The following ANO3 variants were observed in gnomAD, a reference collection of about 807,000 sequenced individuals.
ANO3 encodes anoctamin 3.
ANO3 carries 99 observed loss-of-function variants against 144.8 expected under a neutral mutation model. The observed-to-expected ratio is 0.68, with a 90% CI of 0.58 to 0.81. The LOEUF is 0.81. Ranked by LOEUF, ANO3 falls within the 30% of genes least tolerant of loss-of-function variation. ANO3 has a pLI of 0.00. For synonymous variants in ANO3, 414 were observed against 392.6 expected (o/e 1.05, Z -0.64); for missense variants, 905 against 1,202.2 (o/e 0.75, Z 3.66).
At chr11:26,366,507 G>T (rs1235299631) in intron 1 of ANO3, among the ~76,000 whole-genome samples, 1 of 152,074 alleles carries the variant, frequency 6.6e-6, no homozygotes, top group Non-Finnish European at 1.5e-5. Flanking sequence ...TAATGGGATG[G>T]CTGGGTCAAA....
At chr11:26,222,100 A>G (rs1211914641) in intron 1 of ANO3, among the ~76,000 whole-genome samples, 2 of 152,202 alleles carry the variant, frequency 1.3e-5, no homozygotes, top group East Asian at 3.9e-4. Context: ...TCTGAGACTC[A>G]TTATTTCCAC....
At chr11:26,288,916 C>CT (rs796550174) in intron 1 of ANO3, among the ~76,000 whole-genome samples, 6 of 152,206 alleles carry the variant, frequency 3.9e-5, no homozygotes, top group African/African-American at 1.4e-4. Flanking sequence ...TTTATTACAA[C>CT]TTAGCACAAT....
chr11:26,301,408 T>C (rs1011113686), intron 1 of ANO3, among the ~76,000 whole-genome samples: 1 of 152,208 alleles, frequency 6.6e-6, no homozygotes, highest in Non-Finnish European at 1.5e-5. Context: ...AATTTTAAAA[T>C]AGCAGCATAA....
Position 26,640,913 on chromosome 11 carries a change from T to C in ANO3, c.2142-983T>C, listed in dbSNP as rs1038557192. ...CGCCTCAACTCTCACCTCCAGCCCC[T>C]TTTTCACCTTCATGAGGCTCTGGAG... is the stretch of plus-strand genomic sequence containing the variant. On this transcript the variant is annotated intron_variant, in intron 21 of 26. Transcript: ENST00000256737. Among the ~76,000 whole-genome samples, 7 of 152,126 alleles carry C rather than the reference T, an allele frequency of 4.6e-5. 1 individual carries two copies. Among genetic ancestry groups the C allele is most frequent in the East Asian group, 3.9e-4 (2 of 5,186 alleles).
At chr11:26,329,801 G>A (rs1854989648), upstream of ANO3, among the ~76,000 whole-genome samples, 2 of 147,334 alleles carry the variant, frequency 1.4e-5, 1 homozygote, top group South Asian at 4.3e-4. Context: ...ATGTGGAATA[G>A]AGGGACTTAA....
intron 1 of ANO3, among the ~76,000 whole-genome samples, chr11:26,354,650 GT>G (rs1174833154): frequency 1.3e-5 from 2 of 151,750 alleles, no homozygotes; most frequent in African/African-American, 4.8e-5. Context: ...GTATACTTAT[GT>G]TGCAATTTAT....
chr11:26,488,418 C>CT (rs373543115), intron 4 of ANO3, among the ~76,000 whole-genome samples: 199 of 152,218 alleles, frequency 1.3e-3, no homozygotes, highest in African/African-American at 4.6e-3. Flanking sequence ...GAATTTATTC[C>CT]TTCTGGTGGG....
chr11:26,358,873 C>G lies in ANO3; in HGVS notation c.46+26552C>G, dbSNP rs1048956172. Among the ~76,000 whole-genome samples, 3 of 152,028 alleles carry G rather than the reference C, an allele frequency of 2.0e-5. No homozygotes were observed. In the East Asian group the frequency reaches 5.8e-4, roughly 29 times the overall value. ...TTCCACAATTGTCATTAATCCTATC[C>G]AGTGTATGGTTTTTCTCATAAAATT... is the stretch of plus-strand genomic sequence containing the variant. On this transcript the variant is annotated intron_variant, in intron 1 of 26. Transcript: ENST00000256737.
chr11:26,292,227 A>C (rs759333741), intron 1 of ANO3, among the ~76,000 whole-genome samples: 18 of 152,186 alleles, frequency 1.2e-4, no homozygotes, highest in African/African-American at 1.7e-4. Context: ...TGCATGCATC[A>C]CATAGTTCTC....
intron 1 of ANO3, among the ~76,000 whole-genome samples, chr11:26,240,186 TTC>T (rs1028312383): frequency 6.6e-6 from 1 of 152,218 alleles, no homozygotes; most frequent in African/African-American, 2.4e-5. Flanking sequence ...TTTTCAATAT[TTC>T]TGATAGTACA....
At chr11:26,597,493 C>T (rs990867666) in intron 14 of ANO3, among the ~76,000 whole-genome samples, 3 of 152,100 alleles carry the variant, frequency 2.0e-5, no homozygotes, top group Non-Finnish European at 4.4e-5. Context: ...GACACCCTGC[C>T]GGATCTGGAG....
chr11:26,623,038 G>T (rs558533028), intron 17 of ANO3, among the ~76,000 whole-genome samples: 1 of 152,250 alleles, frequency 6.6e-6, no homozygotes, highest in South Asian at 2.1e-4. Context: ...GTTACAGTAG[G>T]AATCACCTGG....
chr11:26,589,413 C>CTT (rs11423756), intron 14 of ANO3, among the ~76,000 whole-genome samples: 145 of 137,620 alleles, frequency 1.1e-3, no homozygotes, highest in African/African-American at 2.6e-3. Flanking sequence ...CCCCAATTTT[C>CTT]TTTTTTTTTT....
chr11:26,500,763 T>C lies in ANO3; in HGVS notation c.433-7341T>C, dbSNP rs1317168927. 2.0e-5 allele frequency among the ~76,000 whole-genome samples: 3 copies of C among 152,016 alleles called. No individual in the cohort carries two copies. In the East Asian group the frequency reaches 5.8e-4, roughly 29 times the overall value. On this transcript the variant is annotated intron_variant, in intron 4 of 26. Transcript: ENST00000256737. ...TTCTGTGGTTTACACTTTCACTTGC[T>C]TTATGGTATATTTTGCAGAAAAAAA...
At chr11:26,498,011 G>A (rs1019529561) in intron 4 of ANO3, among the ~76,000 whole-genome samples, 1 of 151,970 alleles carries the variant, frequency 6.6e-6, no homozygotes, top group Admixed American at 6.6e-5. Flanking sequence ...GTAGAAAGTT[G>A]TCTTTGCCAG....
intron 17 of ANO3, among the ~76,000 whole-genome samples, chr11:26,612,546 T>G (rs1288968778): frequency 6.6e-6 from 1 of 151,046 alleles, no homozygotes; most frequent in Non-Finnish European, 1.5e-5. Flanking sequence ...CACCGTTATT[T>G]CAATAGATTA....
chr11:26,452,389 G>C (rs538750722), intron 3 of ANO3, among the ~76,000 whole-genome samples: 2 of 152,176 alleles, frequency 1.3e-5, no homozygotes, highest in Non-Finnish European at 2.9e-5. Context: ...GCTTAAAGGA[G>C]CTGATGGAGC....
At chr11:26,580,630 C>T (rs774543497) in intron 14 of ANO3, among the ~76,000 whole-genome samples, 14 of 152,178 alleles carry the variant, frequency 9.2e-5, no homozygotes, top group Admixed American at 6.5e-4. Context: ...AAGTCTTTAA[C>T]TCTTCTGATG....
intron 1 of ANO3, among the ~76,000 whole-genome samples, chr11:26,425,958 A>C (rs993166150): frequency 6.6e-6 from 1 of 152,112 alleles, no homozygotes. Flanking sequence ...CTCTGTGCCT[A>C]CTTATCTGTG....
Sources: allele counts gnomAD v4.1 joint callset (sites outside exome capture counted in the v4.1 genomes callset), GRCh38; gene constraint gnomAD v4.1.1; transcripts MANE v1.5; gene names NCBI Gene and HGNC (gene_info 2026-07-23, HGNC 2026-07-21).